Variants in ADAMTS13 observed in about 807,000 individuals in gnomAD.
ADAMTS13 encodes ADAM metallopeptidase with thrombospondin type 1 motif 13, also known as A disintegrin and metalloproteinase with thrombospondin motifs 13.
ADAMTS13 carries 110 observed loss-of-function variants against 155.1 expected under a neutral mutation model. The ratio of observed to expected loss-of-function variants is 0.71; its 90% CI spans 0.61 to 0.83. The LOEUF is 0.83. Among genes scored for constraint, ADAMTS13 ranks in the 40% least tolerant of loss-of-function variants. The pLI, the probability that ADAMTS13 is intolerant of heterozygous loss-of-function variation, is 0.00. For missense variants in ADAMTS13, 1,707 were observed against 1,891.7 expected, an observed-to-expected ratio of 0.90 and a Z score of 1.81; for synonymous variants, 758 against 756.4, an observed-to-expected ratio of 1.00 and a Z score of -0.03.
At chr9:133,414,588 A>G in exon 1 of ADAMTS13, 1 of 1,306,062 alleles carries the variant, frequency 7.7e-7, no homozygotes, top group Admixed American at 1.7e-5. Flanking sequence ...CGGTGAGGCC[A>G]CCAGCCTCCA....
At chr9:133,428,242 T>C (rs1349407103) in intron 6 of ADAMTS13, among the ~76,000 whole-genome samples, 1 of 152,220 alleles carries the variant, frequency 6.6e-6, no homozygotes, top group Admixed American at 6.5e-5. Context: ...TCACAGTAGG[T>C]GAATTTCACG....
At chr9:133,416,675 G>A (rs890368912) in intron 1 of ADAMTS13, among the ~76,000 whole-genome samples, 2 of 152,224 alleles carry the variant, frequency 1.3e-5, no homozygotes, top group Admixed American at 1.3e-4. Flanking sequence ...GGTCACTAGG[G>A]AGACAGCAGG....
rs1375074970 is a variant in ADAMTS13, at chr9:133,432,612, C to T, written c.1012C>T (p.His338Tyr). The T allele has an allele frequency of 1.3e-6, 2 of 1,555,474 alleles. No individual in the cohort carries two copies. The highest frequency in any genetic ancestry group is 1.2e-5 in the South Asian group (1 of 84,424). Residue 338 changes from histidine (H) to tyrosine (Y), a missense_variant, in exon 9 of 29, where the codon CAC becomes TAC. His to Tyr is a moderately conservative substitution (Grantham distance 83, BLOSUM62 2). Coordinates refer to ENST00000355699, the MANE Select transcript of ADAMTS13 (RefSeq NM_139027.6). Reference sequence around the variant, plus strand: ...GGATATGTGCCAGGCCCTCTCCTGCCACACAGACCCGCTGGACCAAAGCAG... The same window carrying T: ...GGATATGTGCCAGGCCCTCTCCTGCTACACAGACCCGCTGGACCAAAGCAG... ...HLDMCQALSC[H>Y]TDPLDQSSCS...
chr9:133,459,305 A>C lies in ADAMTS13; in HGVS notation c.*125A>C. 3.0e-6 allele frequency: 3 copies of C among 999,974 alleles called. No individual in the cohort carries two copies. Among genetic ancestry groups the C allele is most frequent in the Non-Finnish European group, 3.1e-6 (2 of 654,672 alleles). 61.9% of individuals were successfully genotyped at this position (999,974 alleles called of 1,614,324 possible). A position where few individuals can be genotyped will look rare whatever the true frequency, so the allele number is the denominator to read the frequency against. On this transcript the variant is annotated 3_prime_UTR_variant, in exon 29 of 29. Coordinates refer to ENST00000355699, the MANE Select transcript of ADAMTS13 (RefSeq NM_139027.6). ...CTTTAGAGTCTTCTCCAATGTCCAAAAGGCTAGGGGGTTGGAGGTGGGGAC... is the reference window on the plus strand; with the variant it reads ...CTTTAGAGTCTTCTCCAATGTCCAACAGGCTAGGGGGTTGGAGGTGGGGAC...
chr9:133,449,364 G>C (rs1012010612), intron 22 of ADAMTS13, among the ~76,000 whole-genome samples: 7 of 151,800 alleles, frequency 4.6e-5, no homozygotes, highest in African/African-American at 1.7e-4. Context: ...GATAATAATA[G>C]GACAGGCGGG....
rs148644959 is a variant in ADAMTS13, at chr9:133,424,389, C to T, written c.241C>T (p.His81Tyr). The change falls in exon 3 of 29, where the codon CAC (histidine) becomes TAC (tyrosine). Residue 81 changes from histidine to tyrosine, a missense_variant. His to Tyr is a moderately conservative substitution (Grantham distance 83). This residue lies in a region of ADAMTS13 where 733 missense variants were observed against 749.6 expected (regional missense o/e 0.98). Transcript: ENST00000355699. The surrounding 1 kb of genome is among the most constrained non-coding windows in gnomAD (Gnocchi z 4.3). ...GAGGCGGGCTGCAGGCGGCATCCTA[C>T]ACCTGGAGCTGCTGGTGGCCGTGGG... ...RQRRAAGGIL[H>Y]LELLVAVGPD... is the part of the protein sequence containing the mutation. 1.2e-5 allele frequency: 19 copies of T among 1,613,688 alleles called. No individual in the cohort carries two copies. The African/African-American group carries it at 2.1e-4, about 18-fold the overall frequency.
intron 23 of ADAMTS13, among the ~76,000 whole-genome samples, chr9:133,454,190 A>G (rs911657271): frequency 6.6e-6 from 1 of 152,144 alleles, no homozygotes; most frequent in African/African-American, 2.4e-5. Flanking sequence ...ATGTGCAATT[A>G]GGGAAACAGG....
chr9:133,458,725 T>C (rs1187756387), intron 28 of ADAMTS13, among the ~76,000 whole-genome samples: 1 of 152,132 alleles, frequency 6.6e-6, no homozygotes, highest in Non-Finnish European at 1.5e-5. Context: ...AGAACTGTGT[T>C]CTGCAGGGTA....
At position 133,456,029 on chromosome 9, in the gene ADAMTS13, CGGG is replaced by C. The variant is rs782362838; in HGVS notation, c.3401-38_3401-36del. 6.2e-7 allele frequency: 1 copy of C among 1,612,706 alleles called. No individual in the cohort carries two copies. Among genetic ancestry groups the C allele is most frequent in the Admixed American group, 1.7e-5 (1 of 60,030 alleles). On this transcript the variant is annotated intron_variant, in intron 25 of 28. Coordinates refer to ENST00000355699, the MANE Select transcript of ADAMTS13 (RefSeq NM_139027.6). This position sits in a 1 kb window ranked among gnomAD's most constrained non-coding sequence, Gnocchi z 4.4. The stretch of plus-strand genomic sequence containing the variant: ...CCCCGGAGCCTGCCCTGCTGGGAAT[CGGG>C]GAAGCACTGCTTACCTGTCTCCTGC...
chr9:133,437,862 G>A lies in ADAMTS13; in HGVS notation c.1549G>A (p.Gly517Arg), dbSNP rs376459838. 37 of 1,613,868 alleles carry A rather than the reference G, an allele frequency of 2.3e-5. No individual in the cohort carries two copies. Among genetic ancestry groups the A allele is most frequent in the Admixed American group, 5.0e-5 (3 of 60,024 alleles). The change falls in exon 13 of 29, where the codon GGG (glycine) becomes AGG (arginine). Residue 517 changes from glycine (G) to arginine (R), a missense_variant. Physicochemically the swap from Gly to Arg is moderately radical, Grantham distance 125. Transcript: ENST00000355699. The part of the protein sequence containing the change: ...RCMPSGPRED[G>R]TLSLCVSGSC... The stretch of plus-strand genomic sequence containing the variant: ...TATGCCAAGTGGCCCCCGGGAGGAC[G>A]GGACCCTGAGCCTGTGTGTGTCGGG...
rs771608081 is a variant in ADAMTS13 at position 133,456,007 on chromosome 9, C to T, written c.3401-62C>T. The T allele has an allele frequency of 2.5e-5, 40 of 1,609,328 alleles. No individual in the cohort carries two copies. The highest frequency in any genetic ancestry group is 8.9e-5 in the East Asian group (4 of 44,864). On this transcript the variant is annotated intron_variant, in intron 25 of 28. Coordinates refer to ENST00000355699, the MANE Select transcript of ADAMTS13 (RefSeq NM_139027.6). The surrounding 1 kb of genome is among the most constrained non-coding windows in gnomAD (Gnocchi z 4.4). The stretch of plus-strand genomic sequence containing the variant: ...GTCTCCTTCCTCAGCTTGGAAGCCC[C>T]GGAGCCTGCCCTGCTGGGAATCGGG...
At position 133,440,363 on chromosome 9, in the gene ADAMTS13, C is replaced by T. The variant is rs781783061; in HGVS notation, c.1806C>T (p.Arg602=). The change falls in exon 16 of 29, where the codon CGC becomes CGT. Residue 602 remains arginine, a synonymous_variant. Transcript: ENST00000355699. This position sits in a 1 kb window ranked among gnomAD's most constrained non-coding sequence, Gnocchi z 4.3. The stretch of plus-strand genomic sequence containing the variant: ...CGACAGCGGTGAGGATCGGAGGGCG[C>T]TATGTCGTGGCTGGGAAGATGAGCA... ...FTHLAVRIGG[R]YVVAGKMSIS... is the part of the protein sequence containing the mutation. The T allele has an allele frequency of 1.9e-6, 3 of 1,614,046 alleles. No individual in the cohort carries two copies. The highest frequency in any genetic ancestry group is 2.5e-6 in the Non-Finnish European group (3 of 1,180,028).
rs782364269 is a variant in ADAMTS13 at position 133,445,755 on chromosome 9, G to A, written c.2667G>A (p.Thr889=). Residue 889 remains threonine (T), a synonymous_variant, in exon 21 of 29, where the codon ACG becomes ACA. Coordinates refer to ENST00000355699, the MANE Select transcript of ADAMTS13 (RefSeq NM_139027.6). This position sits in a 1 kb window ranked among gnomAD's most constrained non-coding sequence, Gnocchi z 5.0. ...CCTCCCCATGGGGCAGCATCAGGAC[G>A]GGGGCTCAAGCTGCACACGTGTGGA... ...KAPSPWGSIR[T]GAQAAHVWTP... 1.9e-5 allele frequency: 31 copies of A among 1,610,474 alleles called. No individual in the cohort carries two copies. The highest frequency in any genetic ancestry group is 2.5e-5 in the Non-Finnish European group (29 of 1,178,052).
rs1487836301 is a variant in ADAMTS13 at position 133,424,673 on chromosome 9, A to C, written c.330+195A>C. Among the ~76,000 whole-genome samples the C allele has an allele frequency of 6.6e-6, 1 of 151,970 alleles. No homozygotes were observed. The highest frequency in any genetic ancestry group is 2.4e-5 in the African/African-American group (1 of 41,328). On this transcript the variant is annotated intron_variant, in intron 3 of 28. Transcript: ENST00000355699. This position sits in a 1 kb window ranked among gnomAD's most constrained non-coding sequence, Gnocchi z 4.3. ...ACACCCTCTCTAGGCTCCATGGCAC[A>C]TGCACACCCTGCAGCCTCTCACTAC...
chr9:133,423,139 T>C lies in ADAMTS13; in HGVS notation c.144T>C (p.Ser48=). ...CTTTGGAGCCACAGGCCGTGTCTTCTTACTTGAGCCCTGGTGCTCCCTTAA... is the reference window on the plus strand; with the variant it reads ...CTTTGGAGCCACAGGCCGTGTCTTCCTACTTGAGCCCTGGTGCTCCCTTAA... ...LQALEPQAVS[S]YLSPGAPLKG... The change falls in exon 2 of 29, where the codon TCT becomes TCC. Residue 48 remains serine, a synonymous_variant. Transcript: ENST00000355699. The C allele has an allele frequency of 1.2e-6, 2 of 1,613,996 alleles. No homozygotes were observed. The highest frequency in any genetic ancestry group is 1.7e-6 in the Non-Finnish European group (2 of 1,179,962).
chr9:133,423,298 C>A, intron 2 of ADAMTS13, 131 bp downstream of exon 2: 3 of 856,782 alleles, frequency 3.5e-6, no homozygotes, highest in Non-Finnish European at 5.7e-6. Context: ...TGCTGTCAAC[C>A]CTGTTAATTA....
At position 133,422,477 on chromosome 9, in the gene ADAMTS13, C is replaced by G; in HGVS notation, c.34C>G (p.Pro12Ala). ...GCGTCACCCCCGGGCAAGATGCCCT[C>G]CCCTCTGTGTGGCCGGAATCCTTGC... ...HQRHPRARCPPLCVAGILACG... is the reference protein window; with the variant it reads ...HQRHPRARCPALCVAGILACG... The change falls in exon 1 of 29, where the codon CCC becomes GCC. Residue 12 changes from proline (P) to alanine (A), a missense_variant. This residue lies in a region of ADAMTS13 where 733 missense variants were observed against 749.6 expected (regional missense o/e 0.98). Transcript: ENST00000355699. 6.2e-7 allele frequency: 1 copy of G among 1,614,098 alleles called. No homozygotes were observed. The highest frequency in any genetic ancestry group is 8.5e-7 in the Non-Finnish European group (1 of 1,180,030).
intron 18 of ADAMTS13, among the ~76,000 whole-genome samples, 155 bp downstream of exon 18, chr9:133,442,898 G>T (rs1016543765): frequency 5.9e-5 from 9 of 152,222 alleles, no homozygotes; most frequent in Non-Finnish European, 1.2e-4. Flanking sequence ...CCCTGCAAGG[G>T]GGGCTCTGTG....
upstream of ADAMTS13, among the ~76,000 whole-genome samples, chr9:133,419,181 T>C (rs1002563267): frequency 2.0e-5 from 3 of 151,730 alleles, no homozygotes; most frequent in African/African-American, 7.3e-5. Flanking sequence ...CAGGCAGAGG[T>C]TGATGGAGTA....
Sources: allele counts gnomAD v4.1 joint callset (sites outside exome capture counted in the v4.1 genomes callset), GRCh38; gene constraint gnomAD v4.1.1; regional missense constraint gnomAD v4.1.1; non-coding constraint Gnocchi (gnomAD v3.1); transcripts MANE v1.5; gene names NCBI Gene and HGNC (gene_info 2026-07-23, HGNC 2026-07-21).